The following SLC2A13 variants were observed in gnomAD, a reference collection of about 807,000 sequenced individuals.
SLC2A13 encodes solute carrier family 2 member 13, also known as proton myo-inositol cotransporter.
Under a neutral mutation model 64.4 loss-of-function variants are expected in SLC2A13, and 32 were observed. The observed-to-expected ratio is 0.50, with a 90% CI of 0.37 to 0.67. SLC2A13 has a LOEUF of 0.67. Ranked by LOEUF, SLC2A13 falls within the 30% of genes least tolerant of loss-of-function variation. The probability of loss-of-function intolerance (pLI) is 0.00; values close to 1 mark genes in which losing one functional copy is unlikely to be tolerated. For synonymous variants in SLC2A13, 338 were observed against 327.1 expected (o/e 1.03, Z -0.36); for missense variants, 743 against 829.2 (o/e 0.90, Z 1.28).
At chr12:39,963,723 T>C (rs1946456141) in intron 3 of SLC2A13, among the ~76,000 whole-genome samples, 1 of 152,258 alleles carries the variant, frequency 6.6e-6, no homozygotes, top group African/African-American at 2.4e-5. Flanking sequence ...AATCATTTGC[T>C]TGGTTAAAGA....
chr12:39,860,770 T>A (rs1423931145), intron 6 of SLC2A13, among the ~76,000 whole-genome samples: 1 of 152,216 alleles, frequency 6.6e-6, no homozygotes, highest in Non-Finnish European at 1.5e-5. Context: ...TCTGTCTACC[T>A]GCTTATCTCC....
In SLC2A13 at chr12:39,758,237, A is replaced by G. The variant is rs1438899054; in HGVS notation, c.*1789T>C. ...GAGAAAACGTTTTTGTTTTTGGTTA[A>G]TGGATTTTTAGGGCACTAAATTGAC... On this transcript the variant is annotated 3_prime_UTR_variant, in exon 10 of 10. Transcript: ENST00000280871. 1 of 151,892 alleles carries G rather than the reference A, an allele frequency of 6.6e-6. No homozygotes were observed. The highest frequency in any genetic ancestry group is 1.9e-4 in the East Asian group (1 of 5,254). The allele number at this position is 151,892 out of a possible 1,614,324, so 9.4% of individuals were successfully genotyped here.
intron 7 of SLC2A13, among the ~76,000 whole-genome samples, chr12:39,803,291 A>G (rs569865324): frequency 6.6e-6 from 1 of 152,242 alleles, no homozygotes; most frequent in East Asian, 1.9e-4. Flanking sequence ...TGATGAAAAT[A>G]GACTTATATG....
intron 3 of SLC2A13, among the ~76,000 whole-genome samples, chr12:39,980,476 A>G (rs907302778): frequency 1.3e-5 from 2 of 151,594 alleles, no homozygotes; most frequent in African/African-American, 4.8e-5. Flanking sequence ...AGGATGGAGG[A>G]AGATCTACCA....
At chr12:40,000,296 T>TA (rs1408299828) in intron 3 of SLC2A13, among the ~76,000 whole-genome samples, 1 of 149,766 alleles carries the variant, frequency 6.7e-6, no homozygotes, top group Non-Finnish European at 1.5e-5. Context: ...AGCTCTACAT[T>TA]AAAAAACAAC....
At chr12:39,982,937 A>T (rs11174594) in intron 3 of SLC2A13, among the ~76,000 whole-genome samples, 1 of 122,816 alleles carries the variant, frequency 8.1e-6, no homozygotes, top group African/African-American at 2.8e-5. Flanking sequence ...ATACTACAAG[A>T]CTACAGTAAC....
intron 6 of SLC2A13, among the ~76,000 whole-genome samples, chr12:39,853,440 A>G (rs1943522281): frequency 6.6e-6 from 1 of 152,088 alleles, no homozygotes; most frequent in African/African-American, 2.4e-5. Flanking sequence ...GCCTGGGAGA[A>G]AAAAAGGGAA....
intron 2 of SLC2A13, among the ~76,000 whole-genome samples, chr12:40,043,087 G>A (rs1178638611): frequency 2.0e-5 from 3 of 151,944 alleles, no homozygotes; most frequent in African/African-American, 7.3e-5. Context: ...TGCATGGATT[G>A]GGTACTACAA....
chr12:40,044,251 T>C (rs1948139057), intron 2 of SLC2A13, among the ~76,000 whole-genome samples: 1 of 152,158 alleles, frequency 6.6e-6, no homozygotes. Context: ...ATATATGAAA[T>C]ATACAGAATA....
intron 1 of SLC2A13, among the ~76,000 whole-genome samples, chr12:40,067,828 T>C (rs905798148): frequency 6.6e-6 from 1 of 152,174 alleles, no homozygotes; most frequent in African/African-American, 2.4e-5. Flanking sequence ...AAATCCAATT[T>C]TTCTATTTAC....
At chr12:40,024,107 T>C (rs143244879) in intron 3 of SLC2A13, among the ~76,000 whole-genome samples, 2,122 of 152,334 alleles carry the variant, frequency 0.014, 129 homozygotes, top group Admixed American at 0.096. Flanking sequence ...CTATCAGGAT[T>C]CTGTATCTGT....
intron 3 of SLC2A13, among the ~76,000 whole-genome samples, chr12:39,962,935 C>T (rs1294802321): frequency 6.6e-6 from 1 of 152,150 alleles, no homozygotes; most frequent in East Asian, 1.9e-4. Flanking sequence ...ACTACTGATG[C>T]TATGATTTCA....
At position 40,079,717 on chromosome 12, in the gene SLC2A13, A is replaced by G. The variant is rs112753422; in HGVS notation, c.556+25536T>C. Among the ~76,000 whole-genome samples, 373 of 152,212 alleles carry G rather than the reference A, an allele frequency of 2.5e-3. 3 individuals are homozygous for G. The highest frequency in any genetic ancestry group is 8.0e-3 in the African/African-American group (333 of 41,516). On this transcript the variant is annotated intron_variant, in intron 1 of 9. Coordinates refer to ENST00000280871, the MANE Select transcript of SLC2A13 (RefSeq NM_052885.4). Reference sequence around the variant, plus strand: ...TGACATGTTGAAGTCTCCCATTATTATTGTGTGGTTATCTAAGTCTCTTCA... The same window carrying G: ...TGACATGTTGAAGTCTCCCATTATTGTTGTGTGGTTATCTAAGTCTCTTCA...
intron 7 of SLC2A13, among the ~76,000 whole-genome samples, chr12:39,812,166 T>C (rs1181617642): frequency 6.6e-6 from 1 of 152,080 alleles, no homozygotes; most frequent in East Asian, 1.9e-4. Flanking sequence ...GTCTGCTCCC[T>C]GGTTCATAGC....
At chr12:40,064,209 T>A (rs188779231) in intron 1 of SLC2A13, among the ~76,000 whole-genome samples, 2 of 152,202 alleles carry the variant, frequency 1.3e-5, no homozygotes, top group Admixed American at 1.3e-4. Flanking sequence ...CGCTCCACTG[T>A]ACTCCAGCCT....
chr12:39,826,983 G>GT (rs930965128), intron 7 of SLC2A13, among the ~76,000 whole-genome samples: 9 of 143,446 alleles, frequency 6.3e-5, no homozygotes, highest in African/African-American at 2.1e-4. Flanking sequence ...GTTAACTGTG[G>GT]TTTTACCATT....
At chr12:39,994,711 G>T (rs1428952946) in intron 3 of SLC2A13, among the ~76,000 whole-genome samples, 1 of 152,168 alleles carries the variant, frequency 6.6e-6, no homozygotes, top group Non-Finnish European at 1.5e-5. Flanking sequence ...GGAAATATGG[G>T]ATCCATGAAT....
chr12:40,065,954 G>A (rs1937701584), intron 1 of SLC2A13, among the ~76,000 whole-genome samples: 1 of 152,144 alleles, frequency 6.6e-6, no homozygotes, highest in Non-Finnish European at 1.5e-5. Context: ...TGGCAAGACT[G>A]TCTAATCCTA....
intron 1 of SLC2A13, among the ~76,000 whole-genome samples, chr12:40,074,225 G>A (rs1031066079): frequency 6.7e-6 from 1 of 149,994 alleles, no homozygotes; most frequent in Non-Finnish European, 1.5e-5. Flanking sequence ...GAGGACATGG[G>A]TGTGATCACA....
Sources: allele counts gnomAD v4.1 joint callset (sites outside exome capture counted in the v4.1 genomes callset), GRCh38; gene constraint gnomAD v4.1.1; transcripts MANE v1.5; gene names NCBI Gene and HGNC (gene_info 2026-07-23, HGNC 2026-07-21).